ARHGAP20: variants seen among roughly 807,000 people sequenced by gnomAD.
The protein encoded by ARHGAP20 is Rho GTPase activating protein 20.
A neutral mutation model predicts 73.7 loss-of-function variants in ARHGAP20; 34 were observed. That is an observed-to-expected ratio of 0.46 (90% CI 0.35 to 0.61). ARHGAP20 has a LOEUF of 0.61. Among genes scored for constraint, ARHGAP20 ranks in the 20% least tolerant of loss-of-function variants. The pLI is 0.00. For missense variants in ARHGAP20, 1,314 were observed against 1,420.9 expected (o/e 0.92, Z 1.21); for synonymous variants, 523 against 518.2 (o/e 1.01, Z -0.13).
chr11:110,599,574 C>A (rs1266694554), intron 9 of ARHGAP20, among the ~76,000 whole-genome samples: 1 of 152,138 alleles, frequency 6.6e-6, no homozygotes, highest in Non-Finnish European at 1.5e-5. Flanking sequence ...ACTTTTAGGC[C>A]AGGGAGGGCC....
At chr11:110,606,062 C>A (rs960097684) in intron 9 of ARHGAP20, among the ~76,000 whole-genome samples, 1 of 152,126 alleles carries the variant, frequency 6.6e-6, no homozygotes, top group Admixed American at 6.6e-5. Flanking sequence ...TAAGAGACTG[C>A]TATGTTCACA....
At chr11:110,595,132 T>C in intron 9 of ARHGAP20, among the ~76,000 whole-genome samples, 1 of 151,662 alleles carries the variant, frequency 6.6e-6, no homozygotes, top group Non-Finnish European at 1.5e-5. Context: ...TAGGTATTGA[T>C]GGGACGTATC....
chr11:110,647,831 C>A (rs939662732), intron 2 of ARHGAP20, among the ~76,000 whole-genome samples: 1 of 151,902 alleles, frequency 6.6e-6, no homozygotes, highest in Admixed American at 6.6e-5. Context: ...CTAGAATAGG[C>A]ATTCTCTCAT....
chr11:110,684,855 A>T (rs189213862), intron 2 of ARHGAP20, among the ~76,000 whole-genome samples: 5 of 141,972 alleles, frequency 3.5e-5, no homozygotes, highest in Admixed American at 6.8e-5. Flanking sequence ...TCTCACATAT[A>T]AGTGGGAGGA....
chr11:110,577,490 A>C lies in ARHGAP20; in HGVS notation c.*1880T>G. On this transcript the variant is annotated 3_prime_UTR_variant, in exon 15 of 15. Transcript: ENST00000683387. ...TAACATGAAAAAAAAAAAAAAGGCA[A>C]TTTCTTCCAGAAAGACACTCCAAGC... 9.9e-7 allele frequency: 1 copy of C among 1,013,594 alleles called. No individual in the cohort carries two copies. Among genetic ancestry groups the C allele is most frequent in the Non-Finnish European group, 1.2e-6 (1 of 849,444 alleles). The allele number at this position is 1,013,594 out of a possible 1,614,324, so 62.8% of individuals were successfully genotyped here. A position where few individuals can be genotyped will look rare whatever the true frequency, so the allele number is the denominator to read the frequency against.
At chr11:110,590,894 G>A in intron 10 of ARHGAP20, 85 bp from the exon 11 acceptor site, 1 of 1,260,940 alleles carries the variant, frequency 7.9e-7, no homozygotes, top group South Asian at 1.6e-5. Context: ...GATGCCAGAG[G>A]CTAGGGTGCG....
chr11:110,656,250 G>A lies in ARHGAP20; in HGVS notation c.189-25458C>T, dbSNP rs186935719. On this transcript the variant is annotated intron_variant, in intron 2 of 14. Coordinates refer to ENST00000683387, the MANE Select transcript of ARHGAP20 (RefSeq NM_001384657.1). ...AGCATTAGGCTTTTGGTGGGAGCAC[G>A]TGGGATTCTTAGTCCTTCTTAGGCT... 3.9e-5 allele frequency among the ~76,000 whole-genome samples: 6 copies of A among 152,174 alleles called. No individual in the cohort carries two copies. In the East Asian group the frequency reaches 9.7e-4, roughly 25 times the overall value.
intron 9 of ARHGAP20, among the ~76,000 whole-genome samples, chr11:110,605,730 GT>G (rs1465685891): frequency 6.6e-6 from 1 of 152,216 alleles, no homozygotes; most frequent in Non-Finnish European, 1.5e-5. Flanking sequence ...AATCTGTCAA[GT>G]GGCAGGAAGG....
intron 2 of ARHGAP20, among the ~76,000 whole-genome samples, chr11:110,634,463 T>C (rs1255028374): frequency 6.6e-6 from 1 of 152,126 alleles, no homozygotes; most frequent in Non-Finnish European, 1.5e-5. Flanking sequence ...GATTTACAAG[T>C]ATGGTTTCAT....
intron 8 of ARHGAP20, among the ~76,000 whole-genome samples, chr11:110,607,794 A>C (rs1948268337): frequency 6.6e-6 from 1 of 152,234 alleles, no homozygotes; most frequent in Non-Finnish European, 1.5e-5. Context: ...ATTGCTGCTA[A>C]ATCATGGGAC....
chr11:110,654,818 A>G (rs1949430065), intron 2 of ARHGAP20, among the ~76,000 whole-genome samples: 1 of 152,224 alleles, frequency 6.6e-6, no homozygotes, highest in Admixed American at 6.5e-5. Context: ...GTTACAGGGA[A>G]AGTGCTCAAC....
rs1057089251 is a variant in ARHGAP20, at chr11:110,648,194, T to C, written c.189-17402A>G. Among the ~76,000 whole-genome samples the C allele has an allele frequency of 6.3e-3, 536 of 84,552 alleles. 3 individuals are homozygous for C. The highest frequency in any genetic ancestry group is 0.025 in the African/African-American group (489 of 19,398). The allele number at this position is 84,552 out of a possible 152,430, so 55.5% of individuals were successfully genotyped here. Reference sequence around the variant, plus strand: ...GTAAATATATATATATATATGTAAATATATATATATATGTAAATATATATA... The same window carrying C: ...GTAAATATATATATATATATGTAAACATATATATATATGTAAATATATATA... On this transcript the variant is annotated intron_variant, in intron 2 of 14. Transcript: ENST00000683387.
At chr11:110,667,838 TGTG>T (rs914922963) in intron 2 of ARHGAP20, among the ~76,000 whole-genome samples, 2 of 152,098 alleles carry the variant, frequency 1.3e-5, no homozygotes, top group Non-Finnish European at 2.9e-5. Flanking sequence ...TCACTGCAAA[TGTG>T]GTAGAAACAG....
At chr11:110,655,369 CAATT>C (rs1231606165) in intron 2 of ARHGAP20, among the ~76,000 whole-genome samples, 2 of 152,112 alleles carry the variant, frequency 1.3e-5, no homozygotes. Context: ...TCTACCTTAT[CAATT>C]AATTACTAGC....
At chr11:110,581,433 T>G (rs1947465674) in intron 14 of ARHGAP20, among the ~76,000 whole-genome samples, 1 of 152,198 alleles carries the variant, frequency 6.6e-6, no homozygotes, top group South Asian at 2.1e-4. Context: ...ACGAATGGGC[T>G]TTCCTTAAGT....
chr11:110,612,926 A>G (rs570863768), intron 6 of ARHGAP20, among the ~76,000 whole-genome samples: 2 of 152,308 alleles, frequency 1.3e-5, no homozygotes, highest in African/African-American at 4.8e-5. Context: ...CTTCTACCAG[A>G]GTGTCATAGG....
chr11:110,687,261 C>G (rs1042861041), intron 2 of ARHGAP20, among the ~76,000 whole-genome samples: 1 of 151,656 alleles, frequency 6.6e-6, no homozygotes, highest in Non-Finnish European at 1.5e-5. Context: ...GAGACAGGGT[C>G]TTGCTATGTT....
rs780883136 is a variant in ARHGAP20, at chr11:110,578,228, G to A, written c.*1142C>T. The A allele has an allele frequency of 2.9e-5, 29 of 985,300 alleles. No individual in the cohort carries two copies. The highest frequency in any genetic ancestry group is 5.2e-4 in the Middle Eastern group (1 of 1,936). The allele number at this position is 985,300 out of a possible 1,614,324, so 61.0% of individuals were successfully genotyped here. ...ATTTGGGGCAAAAATATGGAACAAC[G>A]TCTGGAAGCAAAACCCAAAGCAAAT... On this transcript the variant is annotated 3_prime_UTR_variant, in exon 15 of 15. Transcript: ENST00000683387.
intron 2 of ARHGAP20, among the ~76,000 whole-genome samples, chr11:110,672,734 T>G (rs1467647155): frequency 1.3e-5 from 2 of 152,204 alleles, no homozygotes; most frequent in African/African-American, 4.8e-5. Flanking sequence ...TATTACTAAG[T>G]TTTGGTGAGG....
Sources: allele counts gnomAD v4.1 joint callset (sites outside exome capture counted in the v4.1 genomes callset), GRCh38; gene constraint gnomAD v4.1.1; transcripts MANE v1.5; gene names NCBI Gene and HGNC (gene_info 2026-07-23, HGNC 2026-07-21).